The following THSD4 variants were observed in gnomAD, a reference collection of about 807,000 sequenced individuals.
THSD4 encodes thrombospondin type-1 domain-containing protein 4.
Under a neutral mutation model 119.0 loss-of-function variants are expected in THSD4, and 69 were observed. The ratio of observed to expected loss-of-function variants is 0.58; its 90% CI spans 0.48 to 0.71. The LOEUF (loss-of-function observed/expected upper bound fraction) is 0.71. THSD4 is among the 30% of genes least tolerant of loss of function. THSD4 has a pLI of 0.00. For synonymous variants in THSD4, 524 were observed against 540.4 expected, an observed-to-expected ratio of 0.97 and a Z score of 0.42; for missense variants, 1,393 against 1,391.1, an observed-to-expected ratio of 1.00 and a Z score of -0.02.
At chr15:71,744,117 A>G (rs908041883) in intron 11 of THSD4, among the ~76,000 whole-genome samples, 1 of 150,290 alleles carries the variant, frequency 6.7e-6, no homozygotes, top group African/African-American at 2.5e-5. Context: ...ACCAGGTGGC[A>G]GCAGAGAAAG....
At chr15:71,498,928 C>T (rs1338871529) in intron 7 of THSD4, among the ~76,000 whole-genome samples, 2 of 148,696 alleles carry the variant, frequency 1.3e-5, no homozygotes, top group African/African-American at 5.0e-5. Flanking sequence ...TGGTCTTGAA[C>T]TCCTGAACTC....
intron 6 of THSD4, among the ~76,000 whole-genome samples, chr15:71,349,825 G>A (rs1041073647): frequency 6.6e-6 from 1 of 152,148 alleles, no homozygotes; most frequent in African/African-American, 2.4e-5. Context: ...GCAGGGGTTT[G>A]TAAGGGTAAC....
At chr15:71,428,367 C>A (rs2046901431) in intron 7 of THSD4, among the ~76,000 whole-genome samples, 1 of 152,176 alleles carries the variant, frequency 6.6e-6, no homozygotes, top group Non-Finnish European at 1.5e-5. Flanking sequence ...TTCCTTTTGG[C>A]CCCTGTGCAC....
chr15:71,582,874 T>C (rs1235889042), intron 7 of THSD4, among the ~76,000 whole-genome samples: 1 of 152,152 alleles, frequency 6.6e-6, no homozygotes, highest in Non-Finnish European at 1.5e-5. Context: ...GTTTTGAATT[T>C]AGTATACTAG....
rs769142428 is a variant in THSD4, at chr15:71,660,621, C to T, written c.1244C>T (p.Ser415Leu). ...GACAACACGGGCTGTCAGGTTGTGT[C>T]GGGCGTGTTTAAGCATGCCCTCACC... is the stretch of plus-strand genomic sequence containing the variant. ...GGDNTGCQVV[S>L]GVFKHALTSL... The change falls in exon 8 of 18, where the codon TCG becomes TTG. Residue 415 changes from serine to leucine, a missense_variant. Ser to Leu is a moderately radical substitution (Grantham distance 145). Coordinates refer to ENST00000261862, the MANE Select transcript of THSD4 (RefSeq NM_024817.3). 4.3e-6 allele frequency: 7 copies of T among 1,614,026 alleles called. No individual in the cohort carries two copies. Among genetic ancestry groups the T allele is most frequent in the Middle Eastern group, 1.6e-4 (1 of 6,084 alleles).
chr15:71,597,939 A>G (rs2049936573), intron 7 of THSD4, among the ~76,000 whole-genome samples: 1 of 152,166 alleles, frequency 6.6e-6, no homozygotes, highest in African/African-American at 2.4e-5. Flanking sequence ...AGTGAGCGCC[A>G]GACATTTAGT....
intron 1 of THSD4, among the ~76,000 whole-genome samples, chr15:71,131,576 T>C (rs2040504811): frequency 6.6e-6 from 1 of 152,020 alleles, no homozygotes; most frequent in African/African-American, 2.4e-5. Flanking sequence ...CTAATAAAAA[T>C]GAAAATCGAT....
intron 5 of THSD4, among the ~76,000 whole-genome samples, chr15:71,248,057 G>T (rs963952730): frequency 6.6e-6 from 1 of 152,176 alleles, no homozygotes; most frequent in African/African-American, 2.4e-5. Context: ...AGGATTGCTT[G>T]AGGCCAGAGG....
intron 7 of THSD4, among the ~76,000 whole-genome samples, chr15:71,506,674 T>C (rs1036969913): frequency 6.6e-6 from 1 of 152,014 alleles, no homozygotes; most frequent in Non-Finnish European, 1.5e-5. Context: ...GATGATCCCA[T>C]TGTATCCCAC....
At chr15:71,598,424 A>G (rs1263424092) in intron 7 of THSD4, among the ~76,000 whole-genome samples, 1 of 152,138 alleles carries the variant, frequency 6.6e-6, no homozygotes, top group African/African-American at 2.4e-5. Context: ...GCCAGGAGGT[A>G]TACGTGATAT....
intron 3 of THSD4, among the ~76,000 whole-genome samples, chr15:71,172,635 A>AGGGAAATAGATAAT (rs1555452509): frequency 3.2e-5 from 4 of 124,194 alleles, no homozygotes; most frequent in African/African-American, 8.7e-5. Context: ...GTGTAAAGAT[A>AGGGAAATAGATAAT]GGCAAATAGA....
intron 1 of THSD4, among the ~76,000 whole-genome samples, chr15:71,100,697 G>A (rs947609018): frequency 6.6e-6 from 1 of 152,044 alleles, no homozygotes; most frequent in African/African-American, 2.4e-5. Context: ...TAAGAATTGA[G>A]GGCTGGGTGC....
At chr15:71,735,914 CTG>C (rs2053085799) in intron 10 of THSD4, among the ~76,000 whole-genome samples, 1 of 151,254 alleles carries the variant, frequency 6.6e-6, no homozygotes, top group East Asian at 2.0e-4. Flanking sequence ...CTCTTGCTCT[CTG>C]TCTCTCTCAC....
intron 6 of THSD4, among the ~76,000 whole-genome samples, chr15:71,263,330 G>GATATATAT (rs1350637957): frequency 4.1e-4 from 3 of 7,282 alleles, no homozygotes; most frequent in African/African-American, 1.1e-3. Flanking sequence ...AGTATTCCAT[G>GATATATAT]GTATATATAT....
Position 71,778,454 on chromosome 15 carries a change from T to C in THSD4, c.*1080T>C, listed in dbSNP as rs1018849983. 1 of 152,376 alleles carries C rather than the reference T, an allele frequency of 6.6e-6. No homozygotes were observed. Among genetic ancestry groups the C allele is most frequent in the Non-Finnish European group, 1.5e-5 (1 of 68,168 alleles). The allele number at this position is 152,376 out of a possible 1,614,324, so 9.4% of individuals were successfully genotyped here. On this transcript the variant is annotated 3_prime_UTR_variant, in exon 18 of 18. Transcript: ENST00000261862. ...AGGAAATCAAAGGCCAGGGTCCTTA[T>C]GGCCGTGGAGCCTTCCCGACCACAG...
rs187575161 is a variant in THSD4 at position 71,366,751 on chromosome 15, A to G, written c.1016-44936A>G. Among the ~76,000 whole-genome samples the G allele has an allele frequency of 7.9e-5, 12 of 152,312 alleles. 1 individual carries two copies. Among genetic ancestry groups the G allele is most frequent in the Admixed American group, 7.8e-4 (12 of 15,294 alleles). ...TTGCTCCGATCATCTCCAAGAGAAC[A>G]GTACTCAACAGGCACCTGTCCTTTG... is the stretch of plus-strand genomic sequence containing the variant. On this transcript the variant is annotated intron_variant, in intron 6 of 17. Transcript: ENST00000261862.
intron 8 of THSD4, among the ~76,000 whole-genome samples, chr15:71,687,465 C>T (rs1482579487): frequency 6.6e-6 from 1 of 152,088 alleles, no homozygotes; most frequent in Non-Finnish European, 1.5e-5. Flanking sequence ...CCTTAAAAGC[C>T]AGCACCTTGG....
chr15:71,696,546 A>G lies in THSD4; in HGVS notation c.1358-32003A>G, dbSNP rs116511083. 3.0e-3 allele frequency among the ~76,000 whole-genome samples: 464 copies of G among 152,296 alleles called. 3 individuals carry two copies. Among genetic ancestry groups the G allele is most frequent in the African/African-American group, 0.011 (443 of 41,564 alleles). On this transcript the variant is annotated intron_variant, in intron 8 of 17. Coordinates refer to ENST00000261862, the MANE Select transcript of THSD4 (RefSeq NM_024817.3). ...TGCATATTGAAACTATAGCATAGCT[A>G]TTATCAGTTAAAAGGAGAAAATGGG...
At chr15:71,725,503 G>A (rs1567120496) in intron 8 of THSD4, among the ~76,000 whole-genome samples, 1 of 152,180 alleles carries the variant, frequency 6.6e-6, no homozygotes, top group Non-Finnish European at 1.5e-5. Context: ...TAGCCAGGTA[G>A]AGAAAGATGA....
Sources: gnomAD v4.1 joint callset for allele counts (sites outside exome capture counted in the v4.1 genomes callset) on GRCh38, gnomAD v4.1.1 for gene constraint, MANE v1.5 for transcripts, NCBI Gene and HGNC (gene_info 2026-07-23, HGNC 2026-07-21) for gene names.